TENM2: variants seen among roughly 807,000 people sequenced by gnomAD.
TENM2 encodes teneurin-2.
In TENM2, 52 loss-of-function variants were observed where a neutral mutation model predicts 245.2. The ratio of observed to expected loss-of-function variants is 0.21; its 90% CI spans 0.17 to 0.27. The LOEUF (loss-of-function observed/expected upper bound fraction) is 0.27, where lower values mean the gene tolerates loss of function less well. Among genes scored for constraint, TENM2 ranks in the 10% least tolerant of loss-of-function variants. TENM2 has a pLI of 1.00. For synonymous variants in TENM2, 1,363 were observed against 1,438.9 expected (o/e 0.95, Z 1.19); for missense variants, 3,046 against 3,666.8 (o/e 0.83, Z 4.37).
chr5:167,033,874 C>T, the TENM2 span, among the ~76,000 whole-genome samples: 2 of 152,124 alleles, frequency 1.3e-5, 1 homozygote, highest in Admixed American at 1.3e-4. Flanking sequence ...ATGTGTGACT[C>T]AATAAATTTT....
the TENM2 span, among the ~76,000 whole-genome samples, chr5:167,192,183 G>A: frequency 2.6e-5 from 4 of 152,022 alleles, 1 homozygote; most frequent in South Asian, 2.1e-4. Flanking sequence ...CTTTTCTGCT[G>A]AGTCTGGGTA....
chr5:167,185,693 G>A, the TENM2 span, among the ~76,000 whole-genome samples: 1 of 151,024 alleles, frequency 6.6e-6, no homozygotes, highest in Non-Finnish European at 1.5e-5. Context: ...ATGTCATTTG[G>A]TTCCATTTCT....
At chr5:167,498,248 C>T (rs970390135) in intron 2 of TENM2, among the ~76,000 whole-genome samples, 3 of 152,020 alleles carry the variant, frequency 2.0e-5, no homozygotes, top group Non-Finnish European at 2.9e-5. Context: ...GATGCAGAGG[C>T]GCCGGGAACT....
At chr5:167,615,756 A>AG (rs2127759298) in intron 2 of TENM2, among the ~76,000 whole-genome samples, 1 of 152,234 alleles carries the variant, frequency 6.6e-6, no homozygotes, top group South Asian at 2.1e-4. Context: ...AAGAAAAAAA[A>AG]GAAAGGCAAG....
intron 2 of TENM2, among the ~76,000 whole-genome samples, chr5:167,538,418 G>T (rs777051210): frequency 6.6e-6 from 1 of 152,206 alleles, no homozygotes; most frequent in Non-Finnish European, 1.5e-5. Context: ...CAGCCTGCTG[G>T]ATTGACTGGT....
chr5:167,771,134 ACTCTCTCT>A (rs144373096), intron 2 of TENM2, among the ~76,000 whole-genome samples: 3 of 148,990 alleles, frequency 2.0e-5, no homozygotes, highest in Non-Finnish European at 4.5e-5. Flanking sequence ...TCAATCGGTC[ACTCTCTCT>A]CTCTCTCTCT....
chr5:168,215,121 A>G (rs759594267), exon 21 of TENM2: 10 of 1,613,660 alleles, frequency 6.2e-6, no homozygotes. Context: ...ACAGCAGGAG[A>G]ATCTACCGCG....
At chr5:167,445,248 C>T (rs1267144001) in intron 2 of TENM2, among the ~76,000 whole-genome samples, 1 of 148,678 alleles carries the variant, frequency 6.7e-6, no homozygotes, top group East Asian at 2.0e-4. Context: ...TAAGTGTAAG[C>T]CAATCATGTT....
chr5:167,309,037 T>C (rs922280361), intron 1 of TENM2, among the ~76,000 whole-genome samples: 10 of 121,678 alleles, frequency 8.2e-5, no homozygotes, highest in Non-Finnish European at 1.4e-4. Context: ...CTATCTATAT[T>C]GTGTGTGTTT....
intron 2 of TENM2, among the ~76,000 whole-genome samples, chr5:167,865,878 G>A (rs1772276392): frequency 6.6e-6 from 1 of 152,216 alleles, no homozygotes; most frequent in Non-Finnish European, 1.5e-5. Flanking sequence ...AGCCAACAGT[G>A]AAGTGAATGC....
chr5:167,034,629 CAA>C, the TENM2 span, among the ~76,000 whole-genome samples: 1,293 of 72,126 alleles, frequency 0.018, 5 homozygotes, highest in Non-Finnish European at 0.024. Flanking sequence ...GACTCCGTCT[CAA>C]AAAAAAAAAA....
chr5:168,242,679 G>A (rs575100209), intron 25 of TENM2, among the ~76,000 whole-genome samples: 6 of 152,314 alleles, frequency 3.9e-5, no homozygotes, highest in South Asian at 4.1e-4. Context: ...TCAGCTGGGC[G>A]TGGTGGCTCA....
At chr5:167,569,078 CTTTTTTTTTTTTTTT>C (rs34311803) in intron 2 of TENM2, among the ~76,000 whole-genome samples, 4 of 48,952 alleles carry the variant, frequency 8.2e-5, no homozygotes, top group East Asian at 6.7e-4. Context: ...CTTCCTACAG[CTTTTTTTTTTTTTTT>C]TTTTTTTTTT....
At chr5:167,222,228 G>A in the TENM2 span, among the ~76,000 whole-genome samples, 2 of 152,196 alleles carry the variant, frequency 1.3e-5, no homozygotes, top group Non-Finnish European at 2.9e-5. Context: ...TGATGGCCAA[G>A]CAAATGAATC....
At chr5:168,195,560 G>A (rs867699242) in intron 15 of TENM2, among the ~76,000 whole-genome samples, 7,007 of 69,120 alleles carry the variant, frequency 0.1, 226 homozygotes, top group Middle Eastern at 0.21. Flanking sequence ...ACGTGTGTGT[G>A]TGTGTGTGTG....
chr5:167,489,437 G>T (rs763699850), intron 2 of TENM2, among the ~76,000 whole-genome samples: 33 of 152,062 alleles, frequency 2.2e-4, no homozygotes, highest in Non-Finnish European at 4.1e-4. Context: ...AAGCCACAAG[G>T]TTCACTCCCA....
intron 2 of TENM2, among the ~76,000 whole-genome samples, chr5:167,793,651 A>T (rs1765126128): frequency 6.6e-6 from 1 of 151,630 alleles, no homozygotes; most frequent in Admixed American, 6.6e-5. Context: ...CCTGGGCAAC[A>T]TGGTGAAACC....
chr5:167,994,869 C>G (rs1363274916), intron 5 of TENM2, among the ~76,000 whole-genome samples: 1 of 152,116 alleles, frequency 6.6e-6, no homozygotes, highest in African/African-American at 2.4e-5. Flanking sequence ...ATCTGTTGCC[C>G]CTCTGAATCT....
At chr5:167,738,588 T>A (rs550727255) in intron 2 of TENM2, among the ~76,000 whole-genome samples, 1 of 152,314 alleles carries the variant, frequency 6.6e-6, no homozygotes, top group Admixed American at 6.5e-5. Flanking sequence ...GTGATTATAT[T>A]ATTTTTCTAG....
Sources: allele counts gnomAD v4.1 joint callset (sites outside exome capture counted in the v4.1 genomes callset), GRCh38; gene constraint gnomAD v4.1.1; transcripts MANE v1.5; gene names NCBI Gene and HGNC (gene_info 2026-07-23, HGNC 2026-07-21).